The following SLC30A2 variants were observed in gnomAD, a reference collection of about 807,000 sequenced individuals.
SLC30A2 encodes the protein solute carrier family 30 member 2, also known as proton-coupled zinc antiporter SLC30A2.
In SLC30A2, 19 loss-of-function variants were observed where a neutral mutation model predicts 39.6. The observed-to-expected ratio is 0.48, with a 90% CI of 0.34 to 0.70. The LOEUF is 0.70. SLC30A2 is among the 30% of genes least tolerant of loss of function. The probability of loss-of-function intolerance (pLI) is 0.01; values close to 1 mark genes in which losing one functional copy is unlikely to be tolerated. For synonymous variants in SLC30A2, 195 were observed against 194.8 expected (o/e 1.00, Z -0.01); for missense variants, 387 against 479.4 (o/e 0.81, Z 1.80).
Position 26,042,649 on chromosome 1 carries a change from T to G in SLC30A2, c.632A>C (p.Gln211Pro). The G allele has an allele frequency of 6.2e-7, 1 of 1,614,220 alleles. No homozygotes were observed. Among genetic ancestry groups the G allele is most frequent in the Non-Finnish European group, 8.5e-7 (1 of 1,180,030 alleles). Residue 211 changes from glutamine to proline, a missense_variant, in exon 5 of 8, where the codon CAG becomes CCG. Transcript: ENST00000374276. ...HGHSHGTTNQ[Q>P]EENPSVRAAF... ...AGCTCGGACGCTGGGGTTCTCCTCC[T>G]GCTGGTTGGTGGTGCCGTGGCTGTG...
At chr1:26,040,008 C>T (rs1293857754) in intron 6 of SLC30A2, 97 bp from the exon 7 acceptor site, 3 of 1,399,896 alleles carry the variant, frequency 2.1e-6, no homozygotes, top group African/African-American at 2.9e-5. Flanking sequence ...GTGTCATCCC[C>T]TCAAAGAAGA....
At position 26,040,954 on chromosome 1, in the gene SLC30A2, A is replaced by G. The variant is rs572020543; in HGVS notation, c.838+746T>C. ...CTCTACAAACATTTAAAAGTTAGCC[A>G]GACATGGTGGCATGCGCCTGTGGTC... On this transcript the variant is annotated intron_variant, in intron 6 of 7. Coordinates refer to ENST00000374276, the MANE Select transcript of SLC30A2 (RefSeq NM_001004434.3). Among the ~76,000 whole-genome samples, 16 of 148,654 alleles carry G rather than the reference A, an allele frequency of 1.1e-4. No homozygotes were observed. The South Asian group carries it at 2.3e-3, about 22-fold the overall frequency.
chr1:26,045,907 G>A lies in SLC30A2; in HGVS notation c.-11C>T. 1.2e-6 allele frequency: 2 copies of A among 1,609,760 alleles called. No homozygotes were observed. The highest frequency in any genetic ancestry group is 1.3e-5 in the African/African-American group (1 of 74,940). On this transcript the variant is annotated 5_prime_UTR_variant, in exon 1 of 8. Coordinates refer to ENST00000374276, the MANE Select transcript of SLC30A2 (RefSeq NM_001004434.3). ...CTCCTTGGCCTCCATGCAGTCCCGC[G>A]CCGAGTCCCGGCAGCCGCGCAGCCG...
chr1:26,045,882 C>A lies in SLC30A2; in HGVS notation c.15G>T (p.Glu5Asp). 6.2e-7 allele frequency: 1 copy of A among 1,612,828 alleles called. No individual in the cohort carries two copies. The highest frequency in any genetic ancestry group is 2.2e-5 in the East Asian group (1 of 44,868). ...GCCTGGCGTCCAACAGATGCTGCTT[C>A]TCCTTGGCCTCCATGCAGTCCCGCG... is the stretch of plus-strand genomic sequence containing the variant. The part of the protein sequence containing the change: MEAK[E>D]KQHLLDARPA... The change falls in exon 1 of 8, where the codon GAG becomes GAT. Residue 5 changes from glutamate (E) to aspartate (D), a missense_variant. Physicochemically the swap from Glu to Asp is conservative, Grantham distance 45. Coordinates refer to ENST00000374276, the MANE Select transcript of SLC30A2 (RefSeq NM_001004434.3).
rs1256048865 is a variant in SLC30A2, at chr1:26,045,106, A to G, written c.162T>C (p.His54=). ...ELAAQSNHHC[H]AQKGPDSHCD... Reference sequence around the variant, plus strand: ...AGTGACTGTCAGGACCCTTCTGAGCATGGCAGTGATGGTTGCTCTGGGCAG... The same window carrying G: ...AGTGACTGTCAGGACCCTTCTGAGCGTGGCAGTGATGGTTGCTCTGGGCAG... The change falls in exon 2 of 8, where the codon CAT becomes CAC. Residue 54 remains histidine (H), a synonymous_variant. Transcript: ENST00000374276. 3 of 1,614,120 alleles carry G rather than the reference A, an allele frequency of 1.9e-6. No homozygotes were observed. In the South Asian group the frequency reaches 3.3e-5, roughly 18 times the overall value.
intron 2 of SLC30A2, 70 bp from the exon 3 acceptor site, chr1:26,044,514 G>A (rs887191219): frequency 2.0e-6 from 3 of 1,473,112 alleles, no homozygotes; most frequent in African/African-American, 1.4e-5. Flanking sequence ...GCAGCAGGGA[G>A]ACCACAGGCT....
Position 26,045,979 on chromosome 1 carries a change from G to T in SLC30A2, c.-83C>A, listed in dbSNP as rs1365036901. On this transcript the variant is annotated 5_prime_UTR_variant, in exon 1 of 8. Transcript: ENST00000374276. ...AGTTGCGCGCGGGACTCCGGGTGGC[G>T]CTCACCCACCTGCCCCGAGGGCCCC... The T allele has an allele frequency of 1.3e-5, 20 of 1,578,260 alleles. No individual in the cohort carries two copies. The South Asian group carries it at 2.3e-4, about 18-fold the overall frequency.
intron 6 of SLC30A2, 115 bp from the exon 7 acceptor site, chr1:26,040,026 GGCCTGC>G: frequency 4.2e-6 from 5 of 1,178,652 alleles, no homozygotes; most frequent in African/African-American, 1.5e-5. Context: ...AGACCTCTTT[GGCCTGC>G]AGGTCTGAGG....
In SLC30A2 at chr1:26,039,229, C is replaced by A; in HGVS notation, c.1050G>T (p.Val350=). Residue 350 remains valine (V), a synonymous_variant, in exon 8 of 8, where the codon GTG becomes GTT. Transcript: ENST00000374276. The surrounding 1 kb of genome is among the most constrained non-coding windows in gnomAD (Gnocchi z 4.3). ...CCGAGTAGTCCTCGATCTGGATGGT[C>A]ACGGTGTGGAAGTGGAACTTCCCTT... ...RLQGKFHFHT[V]TIQIEDYSED... 6.2e-7 allele frequency: 1 copy of A among 1,614,154 alleles called. No homozygotes were observed. The highest frequency in any genetic ancestry group is 8.5e-7 in the Non-Finnish European group (1 of 1,180,008).
At position 26,039,882 on chromosome 1, in the gene SLC30A2, C is replaced by T. The variant is rs369345160; in HGVS notation, c.868G>A (p.Val290Ile). 2 of 1,614,098 alleles carry T rather than the reference C, an allele frequency of 1.2e-6. No individual in the cohort carries two copies. The highest frequency in any genetic ancestry group is 1.7e-5 in the Admixed American group (1 of 60,018). The change falls in exon 7 of 8, where the codon GTT becomes ATT. Residue 290 changes from valine (V) to isoleucine (I), a missense_variant. Val to Ile is a conservative substitution (Grantham distance 29, BLOSUM62 3). Coordinates refer to ENST00000374276, the MANE Select transcript of SLC30A2 (RefSeq NM_001004434.3). This position sits in a 1 kb window ranked among gnomAD's most constrained non-coding sequence, Gnocchi z 4.3. Reference sequence around the variant, plus strand: ...TCCACCGACAGCAGCAGATCACGAACAGCTGTGAAGTCAACGCCCTTGGGG... The same window carrying T: ...TCCACCGACAGCAGCAGATCACGAATAGCTGTGAAGTCAACGCCCTTGGGG... ...GTPKGVDFTA[V>I]RDLLLSVEGV... is the part of the protein sequence containing the mutation.
intron 2 of SLC30A2, 77 bp from the exon 3 acceptor site, chr1:26,044,521 G>T: frequency 7.1e-7 from 1 of 1,416,000 alleles, no homozygotes; most frequent in African/African-American, 1.4e-5. Flanking sequence ...GGAGACCACA[G>T]GCTCTGGAAG....
rs373941049 is a variant in SLC30A2 at position 26,039,754 on chromosome 1, C to A, written c.973+23G>T. On this transcript the variant is annotated intron_variant, in intron 7 of 7. Transcript: ENST00000374276. The surrounding 1 kb of genome is among the most constrained non-coding windows in gnomAD (Gnocchi z 4.3). ...CTTTGGCTGCCTGTCTCCCACCCCA[C>A]CCTGAGTGTCCCAAGCACTCACCAA... 6.4e-5 allele frequency: 103 copies of A among 1,609,424 alleles called. 1 individual carries two copies. The Admixed American group carries it at 6.9e-4, about 11-fold the overall frequency.
At chr1:26,042,833 G>A in intron 4 of SLC30A2, 125 bp from the exon 5 acceptor site, 2 of 858,434 alleles carry the variant, frequency 2.3e-6, no homozygotes. Context: ...TTGGCCATGT[G>A]AGAAGTCCAA....
At chr1:26,044,217 A>G in intron 3 of SLC30A2, 81 bp downstream of exon 3, 4 of 1,448,530 alleles carry the variant, frequency 2.8e-6, no homozygotes, top group Non-Finnish European at 2.9e-6. Context: ...GGGGGGATCC[A>G]CCCATTACAG....
rs1313685085 is a variant in SLC30A2, at chr1:26,046,010, G to A, written c.-114C>T. The A allele has an allele frequency of 1.4e-6, 2 of 1,462,840 alleles. No individual in the cohort carries two copies. Among genetic ancestry groups the A allele is most frequent in the Non-Finnish European group, 1.8e-6 (2 of 1,117,198 alleles). 90.6% of individuals were successfully genotyped at this position (1,462,840 alleles called of 1,614,324 possible). A position where few individuals can be genotyped will look rare whatever the true frequency, so the allele number is the denominator to read the frequency against. On this transcript the variant is annotated 5_prime_UTR_variant, in exon 1 of 8. Coordinates refer to ENST00000374276, the MANE Select transcript of SLC30A2 (RefSeq NM_001004434.3). This position sits in a 1 kb window ranked among gnomAD's most constrained non-coding sequence, Gnocchi z 4.4. ...CCACCTGCCCCGAGGGCCCCGCGAG[G>A]TGCGCTCACTCCGGCCCGGCTCCTG...
Position 26,043,446 on chromosome 1 carries a change from C to T in SLC30A2, c.524G>A (p.Gly175Glu), listed in dbSNP as rs1168338060. 6.2e-7 allele frequency: 1 copy of T among 1,614,170 alleles called. No individual in the cohort carries two copies. The highest frequency in any genetic ancestry group is 1.7e-5 in the Admixed American group (1 of 60,028). Reference protein sequence around the residue: ...RLISGDYEIDGGTMLITSGCA... With the variant: ...RLISGDYEIDEGTMLITSGCA... The stretch of plus-strand genomic sequence containing the variant: ...GCCCGACGTGATCAGCATGGTCCCC[C>T]CGTCAATTTCATAGTCCCCAGAGAT... Residue 175 changes from glycine (G) to glutamate (E), a missense_variant, in exon 4 of 8, where the codon GGG (glycine) becomes GAG (glutamate). Transcript: ENST00000374276.
intron 3 of SLC30A2, 22 bp from the exon 4 acceptor site, chr1:26,043,573 A>T (rs774611431): frequency 1.9e-6 from 3 of 1,608,234 alleles, no homozygotes; most frequent in South Asian, 1.1e-5. Flanking sequence ...CCCAACCCCA[A>T]CACCCACCTT....
chr1:26,043,210 G>A (rs1172063560), intron 4 of SLC30A2, among the ~76,000 whole-genome samples, 188 bp downstream of exon 4: 1 of 152,236 alleles, frequency 6.6e-6, no homozygotes. Flanking sequence ...ACAGCTCCCA[G>A]TGTTCTTGGC....
rs890628825 is a variant in SLC30A2 at position 26,046,053 on chromosome 1, C to A, written c.-157G>T. On this transcript the variant is annotated 5_prime_UTR_variant, in exon 1 of 8. Transcript: ENST00000374276. The surrounding 1 kb of genome is among the most constrained non-coding windows in gnomAD (Gnocchi z 4.4). ...GGCTCCTGCGGCCCCTGAGCTCCCCCGGCTCCCGCTGCGGCTGCAGCTCCG... is the reference window on the plus strand; with the variant it reads ...GGCTCCTGCGGCCCCTGAGCTCCCCAGGCTCCCGCTGCGGCTGCAGCTCCG... 1 of 1,336,724 alleles carries A rather than the reference C, an allele frequency of 7.5e-7. No individual in the cohort carries two copies. Among genetic ancestry groups the A allele is most frequent in the Non-Finnish European group, 9.5e-7 (1 of 1,051,250 alleles). 82.8% of individuals were successfully genotyped at this position (1,336,724 alleles called of 1,614,324 possible).
Sources: allele counts gnomAD v4.1 joint callset (sites outside exome capture counted in the v4.1 genomes callset), GRCh38; gene constraint gnomAD v4.1.1; non-coding constraint Gnocchi (gnomAD v3.1); transcripts MANE v1.5; gene names NCBI Gene and HGNC (gene_info 2026-07-23, HGNC 2026-07-21).